The following SEMA7A variants were observed in gnomAD, a reference collection of about 807,000 sequenced individuals.
The protein encoded by SEMA7A is semaphorin-7A.
Under a neutral mutation model 67.5 loss-of-function variants are expected in SEMA7A, and 21 were observed. The observed-to-expected ratio is 0.31, with a 90% CI of 0.22 to 0.45. The LOEUF (loss-of-function observed/expected upper bound fraction) is 0.45, where lower values mean the gene tolerates loss of function less well. Among genes scored for constraint, SEMA7A ranks in the 20% least tolerant of loss-of-function variants. The pLI is 1.00. For missense variants in SEMA7A, 774 were observed against 908.6 expected (o/e 0.85, Z 1.90); for synonymous variants, 364 against 368.5 (o/e 0.99, Z 0.14).
In SEMA7A at chr15:74,414,324, C is replaced by G. The variant is rs1164092849; in HGVS notation, c.1294+223G>C. ...AGATTTCCGCCTCCAAATCCCAGTG[C>G]TTGCTTTTCTCCCATCCCCCTTTCC... On this transcript the variant is annotated intron_variant, in intron 10 of 13. Coordinates refer to ENST00000261918, the MANE Select transcript of SEMA7A (RefSeq NM_003612.5). The surrounding 1 kb of genome is among the most constrained non-coding windows in gnomAD (Gnocchi z 4.1). Among the ~76,000 whole-genome samples the G allele has an allele frequency of 6.6e-6, 1 of 152,200 alleles. No individual in the cohort carries two copies.
chr15:74,418,963 G>C lies in SEMA7A; in HGVS notation c.179-11C>G. 6.2e-7 allele frequency: 1 copy of C among 1,611,630 alleles called. No individual in the cohort carries two copies. Among genetic ancestry groups the C allele is most frequent in the Non-Finnish European group, 8.5e-7 (1 of 1,179,628 alleles). Reference sequence around the variant, plus strand: ...CCTGCCCTACATGGCCTGAGGAGGAGACAATTAGTAGAAACATTGAAGCCA... The same window carrying C: ...CCTGCCCTACATGGCCTGAGGAGGACACAATTAGTAGAAACATTGAAGCCA... On this transcript the variant is annotated splice_polypyrimidine_tract_variant and intron_variant, in intron 1 of 13. Transcript: ENST00000261918.
In SEMA7A at chr15:74,414,408, C is replaced by A; in HGVS notation, c.1294+139G>T. 1 of 932,806 alleles carries A rather than the reference C, an allele frequency of 1.1e-6. No individual in the cohort carries two copies. The highest frequency in any genetic ancestry group is 1.7e-6 in the Non-Finnish European group (1 of 589,840). The allele number at this position is 932,806 out of a possible 1,614,324, so 57.8% of individuals were successfully genotyped here. On this transcript the variant is annotated intron_variant, in intron 10 of 13. Transcript: ENST00000261918. The surrounding 1 kb of genome is among the most constrained non-coding windows in gnomAD (Gnocchi z 4.1). The stretch of plus-strand genomic sequence containing the variant: ...TGCCTGACTCTTCCACACCCACACA[C>A]ATTAACCCCTGACAACTCCAGTCAC...
chr15:74,422,918 G>A (rs1277507419), intron 1 of SEMA7A, among the ~76,000 whole-genome samples: 1 of 152,234 alleles, frequency 6.6e-6, no homozygotes, highest in African/African-American at 2.4e-5. Context: ...CAGCTCCAGG[G>A]GAGGGCAGAG....
chr15:74,417,812 T>C lies in SEMA7A; in HGVS notation c.465+65A>G, dbSNP rs553530865. 4,023 of 1,576,500 alleles carry C rather than the reference T, an allele frequency of 2.6e-3. 16 individuals are homozygous for C. The highest frequency in any genetic ancestry group is 7.6e-3 in the South Asian group (682 of 90,224). On this transcript the variant is annotated intron_variant, in intron 4 of 13. Transcript: ENST00000261918. ...GAGTCTCGCCATCTCCTTCCCACCA[T>C]GAGGGGCAGAAGCCCACGCAGTAGA...
chr15:74,416,276 TCA>T (rs2060947364), intron 7 of SEMA7A, among the ~76,000 whole-genome samples: 1 of 151,434 alleles, frequency 6.6e-6, no homozygotes, highest in Admixed American at 6.6e-5. Flanking sequence ...ATTTACTGAC[TCA>T]CACACCCACA....
intron 1 of SEMA7A, among the ~76,000 whole-genome samples, chr15:74,425,183 T>C (rs1433238471): frequency 1.3e-5 from 2 of 152,220 alleles, no homozygotes; most frequent in Non-Finnish European, 2.9e-5. Flanking sequence ...AGGAGGAAGA[T>C]GATGACGACG....
Position 74,417,490 on chromosome 15 carries a change from TG to T in SEMA7A, c.551-46del, listed in dbSNP as rs966393034. 4.4e-6 allele frequency: 7 copies of T among 1,590,524 alleles called. No homozygotes were observed. In the Admixed American group the frequency reaches 8.3e-5, roughly 19 times the overall value. ...GAAATGAGTAAGGGCAGGCAGCTCC[TG>T]GAAGTCCCTCCTCCGGACACTGGAC... is the stretch of plus-strand genomic sequence containing the variant. On this transcript the variant is annotated intron_variant, in intron 5 of 13. Transcript: ENST00000261918.
chr15:74,423,305 GA>G lies in SEMA7A; in HGVS notation c.179-4354del, dbSNP rs529983449. On this transcript the variant is annotated intron_variant, in intron 1 of 13. Transcript: ENST00000261918. The surrounding 1 kb of genome is among the most constrained non-coding windows in gnomAD (Gnocchi z 4.1). ...GAGGGAAGGCCCACGTGATGCCTAGGAATTAGCCTGCAGCCTCTCCACCCTT... is the reference window on the plus strand; with the variant it reads ...GAGGGAAGGCCCACGTGATGCCTAGGATTAGCCTGCAGCCTCTCCACCCTT... 1.4e-4 allele frequency among the ~76,000 whole-genome samples: 21 copies of G among 152,198 alleles called. No homozygotes were observed. The highest frequency in any genetic ancestry group is 2.6e-4 in the Non-Finnish European group (18 of 68,040).
rs1324034493 is a variant in SEMA7A at position 74,412,001 on chromosome 15, T to G, written c.1306A>C (p.Ile436Leu). Residue 436 changes from isoleucine (I) to leucine (L), a missense_variant, in exon 11 of 14, where the codon ATC (isoleucine) becomes CTC (leucine). Ile to Leu is a conservative substitution (Grantham distance 5). This residue lies in a region of SEMA7A where 427 missense variants were observed against 555.4 expected (regional missense o/e 0.77). Transcript: ENST00000261918. ...VLYLTTDRGT[I>L]HKVVEPGEQE... ...TCCCCCGGTTCCACCACCTTGTGGATAGTGCCCCTGTCTGTGTATGGTGGA... is the reference window on the plus strand; with the variant it reads ...TCCCCCGGTTCCACCACCTTGTGGAGAGTGCCCCTGTCTGTGTATGGTGGA... 1 of 1,613,816 alleles carries G rather than the reference T, an allele frequency of 6.2e-7. No homozygotes were observed. The highest frequency in any genetic ancestry group is 8.5e-7 in the Non-Finnish European group (1 of 1,179,996).
chr15:74,411,421 T>C lies in SEMA7A; in HGVS notation c.1578-65A>G, dbSNP rs1596185763. 6.3e-7 allele frequency: 1 copy of C among 1,587,308 alleles called. No individual in the cohort carries two copies. The highest frequency in any genetic ancestry group is 1.3e-5 in the African/African-American group (1 of 74,394). On this transcript the variant is annotated intron_variant, in intron 12 of 13. Coordinates refer to ENST00000261918, the MANE Select transcript of SEMA7A (RefSeq NM_003612.5). The surrounding 1 kb of genome is among the most constrained non-coding windows in gnomAD (Gnocchi z 4.4). ...GCTGCAGACCTGACCCTCCTATCCT[T>C]ACCCCAGTGCAGTTCCAGCAGAGAG...
chr15:74,414,665 C>A lies in SEMA7A; in HGVS notation c.1176G>T (p.Glu392Asp). Residue 392 changes from glutamate to aspartate, a missense_variant, in exon 10 of 14, where the codon GAG becomes GAT. Coordinates refer to ENST00000261918, the MANE Select transcript of SEMA7A (RefSeq NM_003612.5). The surrounding 1 kb of genome is among the most constrained non-coding windows in gnomAD (Gnocchi z 4.1). The stretch of plus-strand genomic sequence containing the variant: ...ATGGCGTCTTCAGAGGCCCCATGGG[C>A]TCCACCCTCTGCGCCACCTCTGGGT... ...DRHPEVAQRV[E>D]PMGPLKTPLF... is the part of the protein sequence containing the mutation. 6.2e-7 allele frequency: 1 copy of A among 1,614,162 alleles called. No homozygotes were observed. Among genetic ancestry groups the A allele is most frequent in the Non-Finnish European group, 8.5e-7 (1 of 1,180,036 alleles).
In SEMA7A at chr15:74,411,240, C is replaced by A; in HGVS notation, c.1639+55G>T. 1.3e-6 allele frequency: 2 copies of A among 1,566,150 alleles called. No individual in the cohort carries two copies. Among genetic ancestry groups the A allele is most frequent in the Non-Finnish European group, 1.7e-6 (2 of 1,143,220 alleles). Reference sequence around the variant, plus strand: ...CTCCCTCAGACCAGGACAATCAGGGCAGGGCAGTACCCCACTCATTGGGCC... The same window carrying A: ...CTCCCTCAGACCAGGACAATCAGGGAAGGGCAGTACCCCACTCATTGGGCC... On this transcript the variant is annotated intron_variant, in intron 13 of 13. Coordinates refer to ENST00000261918, the MANE Select transcript of SEMA7A (RefSeq NM_003612.5). This position sits in a 1 kb window ranked among gnomAD's most constrained non-coding sequence, Gnocchi z 4.4.
intron 2 of SEMA7A, 119 bp downstream of exon 2, chr15:74,418,682 C>T (rs1379443158): frequency 7.3e-6 from 8 of 1,100,722 alleles, no homozygotes; most frequent in African/African-American, 4.7e-5. Flanking sequence ...TTATAGGATA[C>T]GGAGGTGGGG....
intron 10 of SEMA7A, 117 bp from the exon 11 acceptor site, chr15:74,412,129 T>TA (rs1030907493): frequency 4.7e-6 from 6 of 1,281,230 alleles, no homozygotes; most frequent in Non-Finnish European, 6.6e-6. Context: ...ACAGGACTGG[T>TA]GTGGGCAGGG....
Position 74,411,243 on chromosome 15 carries a change from G to T in SEMA7A, c.1639+52C>A. The T allele has an allele frequency of 6.3e-7, 1 of 1,575,648 alleles. No homozygotes were observed. Among genetic ancestry groups the T allele is most frequent in the Non-Finnish European group, 8.7e-7 (1 of 1,149,824 alleles). On this transcript the variant is annotated intron_variant, in intron 13 of 13. Coordinates refer to ENST00000261918, the MANE Select transcript of SEMA7A (RefSeq NM_003612.5). The surrounding 1 kb of genome is among the most constrained non-coding windows in gnomAD (Gnocchi z 4.4). ...CCTCAGACCAGGACAATCAGGGCAG[G>T]GCAGTACCCCACTCATTGGGCCACA...
intron 1 of SEMA7A, chr15:74,433,503 TAG>T (rs1401140804): frequency 6.9e-6 from 8 of 1,151,546 alleles, no homozygotes; most frequent in African/African-American, 1.6e-5. Flanking sequence ...TGGTGCGACT[TAG>T]CCGGGGCTCC....
At chr15:74,418,997 G>A in intron 1 of SEMA7A, 45 bp from the exon 2 acceptor site, 1 of 1,595,482 alleles carries the variant, frequency 6.3e-7, no homozygotes, top group Non-Finnish European at 8.5e-7. Flanking sequence ...CAGGTCCCGA[G>A]AGAGAAGACT....
chr15:74,430,059 G>C (rs1165997014), intron 1 of SEMA7A, among the ~76,000 whole-genome samples: 4 of 152,072 alleles, frequency 2.6e-5, no homozygotes, highest in Admixed American at 2.0e-4. Flanking sequence ...AAGTCTACAA[G>C]GGCACGGAAT....
intron 2 of SEMA7A, 105 bp downstream of exon 2, chr15:74,418,696 G>T: frequency 1.5e-6 from 2 of 1,338,938 alleles, no homozygotes; most frequent in Non-Finnish European, 2.1e-6. Context: ...GGTGGGGGCA[G>T]TTTAGGAAGA....
Sources: allele counts gnomAD v4.1 joint callset (sites outside exome capture counted in the v4.1 genomes callset), GRCh38; gene constraint gnomAD v4.1.1; regional missense constraint gnomAD v4.1.1; non-coding constraint Gnocchi (gnomAD v3.1); transcripts MANE v1.5; gene names NCBI Gene and HGNC (gene_info 2026-07-23, HGNC 2026-07-21).